MRM3: variants seen among roughly 807,000 people sequenced by gnomAD.
MRM3 encodes rRNA methyltransferase 3, mitochondrial.
Under a neutral mutation model 29.4 loss-of-function variants are expected in MRM3, and 26 were observed. The observed-to-expected ratio is 0.89, with a 90% CI of 0.65 to 1.23. The LOEUF is 1.23. Among genes scored for constraint, MRM3 ranks in the 50% most tolerant of loss-of-function variants. The pLI is 0.00. For missense variants in MRM3, 578 were observed against 540.2 expected, an observed-to-expected ratio of 1.07 and a Z score of -0.69; for synonymous variants, 225 against 219.0, an observed-to-expected ratio of 1.03 and a Z score of -0.24.
At position 783,376 on chromosome 17, in the gene MRM3, A is replaced by AC. The variant is rs778965828; in HGVS notation, c.559+52dup. On this transcript the variant is annotated intron_variant, in intron 2 of 3. Transcript: ENST00000304478. Reference sequence around the variant, plus strand: ...TTTTTTTTTTTTGTCTTGTTCTGTCACCCAGGCTGGAGTGCAATGGCGCGA... The same window carrying AC: ...TTTTTTTTTTTTGTCTTGTTCTGTCACCCCAGGCTGGAGTGCAATGGCGCGA... The AC allele has an allele frequency of 9.2e-6, 14 of 1,520,386 alleles. No individual in the cohort carries two copies. In the East Asian group the frequency reaches 3.3e-4, roughly 36 times the overall value. The allele number at this position is 1,520,386 out of a possible 1,614,324, so 94.2% of individuals were successfully genotyped here.
intron 3 of MRM3, 143 bp from the exon 4 acceptor site, chr17:791,391 A>G: frequency 1.3e-6 from 1 of 781,498 alleles, no homozygotes. Flanking sequence ...GCTGTCAGAG[A>G]GAGGCAGAAG....
At position 783,248 on chromosome 17, in the gene MRM3, G is replaced by GA. The variant is rs1910297317; in HGVS notation, c.483dup (p.Gly162ArgfsTer6). Reference sequence around the variant, plus strand: ...TAAAGGAGTTGCCAGTCGATAAGCTGAAAGGTGTCAGCCTCATTAAGGTGA... The same window carrying GA: ...TAAAGGAGTTGCCAGTCGATAAGCTGAAAAGGTGTCAGCCTCATTAAGGTGA... On this transcript the variant is annotated frameshift_variant, in exon 2 of 4. Transcript: ENST00000304478. LOFTEE classifies it high-confidence loss of function. The GA allele has an allele frequency of 6.2e-7, 1 of 1,613,900 alleles. No homozygotes were observed. Among genetic ancestry groups the GA allele is most frequent in the Admixed American group, 1.7e-5 (1 of 59,988 alleles).
rs1321961421 is a variant in MRM3, at chr17:782,788, C to T, written c.314+96C>T. On this transcript the variant is annotated intron_variant, in intron 1 of 3. Transcript: ENST00000304478. ...TTCCGATGGAGGACTTCTTCCAGTA[C>T]AGCCCGCTGGTTTTTGTATTATGCA... 7.6e-6 allele frequency: 10 copies of T among 1,312,050 alleles called. No individual in the cohort carries two copies. The African/African-American group carries it at 1.0e-4, about 14-fold the overall frequency. 81.3% of individuals were successfully genotyped at this position (1,312,050 alleles called of 1,614,324 possible).
In MRM3 at chr17:792,161, C is replaced by T. The variant is rs1910861037; in HGVS notation, c.*92C>T. On this transcript the variant is annotated 3_prime_UTR_variant, in exon 4 of 4. Coordinates refer to ENST00000304478, the MANE Select transcript of MRM3 (RefSeq NM_018146.4). ...GCTGGCGGAGTCAGTGACTATGGCCCCCACGTTCAGGAGGAAGGTGTGATG... is the reference window on the plus strand; with the variant it reads ...GCTGGCGGAGTCAGTGACTATGGCCTCCACGTTCAGGAGGAAGGTGTGATG... 2.3e-6 allele frequency: 3 copies of T among 1,308,546 alleles called. No homozygotes were observed. Among genetic ancestry groups the T allele is most frequent in the Admixed American group, 2.4e-5 (1 of 40,972 alleles). 81.1% of individuals were successfully genotyped at this position (1,308,546 alleles called of 1,614,324 possible). A position where few individuals can be genotyped will look rare whatever the true frequency, so the allele number is the denominator to read the frequency against.
chr17:788,995 T>A (rs144364884), intron 3 of MRM3, among the ~76,000 whole-genome samples: 45 of 152,306 alleles, frequency 3.0e-4, no homozygotes, highest in Non-Finnish European at 4.4e-4. Context: ...TTTTTAAAAA[T>A]TATGTTTTTT....
rs756943718 is a variant in MRM3 at position 788,184 on chromosome 17, T to C, written c.727+52T>C. On this transcript the variant is annotated intron_variant, in intron 3 of 3. Transcript: ENST00000304478. ...TGGCTCACACTCGTAATCCAGCCCTTTGGGAGGCCGAGGCAGGAGGGTCAC... is the reference window on the plus strand; with the variant it reads ...TGGCTCACACTCGTAATCCAGCCCTCTGGGAGGCCGAGGCAGGAGGGTCAC... The C allele has an allele frequency of 5.7e-6, 9 of 1,591,734 alleles. No individual in the cohort carries two copies. In the Admixed American group the frequency reaches 1.0e-4, roughly 18 times the overall value.
Position 782,575 on chromosome 17 carries a change from GTGCCCAGGAGCAAC to G in MRM3, c.198_211del (p.Ser66ArgfsTer26). ...CCCCGCAAGGCACCATCTGAGGCCA[GTGCCCAGGAGCAAC>G]GAGAGAAACAACCGCTCGAGGAGTC... On this transcript the variant is annotated frameshift_variant, in exon 1 of 4. Transcript: ENST00000304478. LOFTEE classifies it high-confidence loss of function. The G allele has an allele frequency of 1.2e-6, 2 of 1,614,108 alleles. No homozygotes were observed. Among genetic ancestry groups the G allele is most frequent in the Non-Finnish European group, 8.5e-7 (1 of 1,180,008 alleles).
At chr17:783,038 G>C in intron 1 of MRM3, 45 bp from the exon 2 acceptor site, 2 of 1,558,850 alleles carry the variant, frequency 1.3e-6, no homozygotes, top group Non-Finnish European at 1.7e-6. Flanking sequence ...TCAGTAACAA[G>C]GATGTTGATA....
At chr17:788,775 C>A (rs1279233700) in intron 3 of MRM3, among the ~76,000 whole-genome samples, 1 of 152,120 alleles carries the variant, frequency 6.6e-6, no homozygotes, top group African/African-American at 2.4e-5. Flanking sequence ...TGAGCTAGGG[C>A]TCTGGGCAGG....
rs149850824 is a variant in MRM3 at position 789,383 on chromosome 17, G to A, written c.727+1251G>A. ...TCCCTTAGATTCCCTTAGCCTCAGCGTGGGTCACATGCCCCGCACACAAAT... is the reference window on the plus strand; with the variant it reads ...TCCCTTAGATTCCCTTAGCCTCAGCATGGGTCACATGCCCCGCACACAAAT... On this transcript the variant is annotated intron_variant, in intron 3 of 3. Coordinates refer to ENST00000304478, the MANE Select transcript of MRM3 (RefSeq NM_018146.4). Among the ~76,000 whole-genome samples, 7 of 152,232 alleles carry A rather than the reference G, an allele frequency of 4.6e-5. No individual in the cohort carries two copies. The East Asian group carries it at 7.7e-4, about 17-fold the overall frequency.
In MRM3 at chr17:783,295, G is replaced by A; in HGVS notation, c.527G>A (p.Trp176Ter). 2 of 1,613,688 alleles carry A rather than the reference G, an allele frequency of 1.2e-6. No homozygotes were observed. The highest frequency in any genetic ancestry group is 1.7e-6 in the Non-Finnish European group (2 of 1,179,822). ...GTGAAATTTGAGGATATCAAGGATT[G>A]GTCCGACCTCGTAACGCCACAAGGA... Reference protein sequence around the residue: ...IKVKFEDIKDWSDLVTPQGIM... With the variant: ...IKVKFEDIKD Residue 176 changes from tryptophan to a stop codon, truncating the protein, a stop_gained, in exon 2 of 4, where the codon TGG becomes TAG. Coordinates refer to ENST00000304478, the MANE Select transcript of MRM3 (RefSeq NM_018146.4). LOFTEE classifies it high-confidence loss of function.
At chr17:791,061 T>C (rs1427550517) in intron 3 of MRM3, among the ~76,000 whole-genome samples, 2 of 152,202 alleles carry the variant, frequency 1.3e-5, no homozygotes, top group Non-Finnish European at 1.5e-5. Flanking sequence ...TGCGCCACTC[T>C]CCCGCTTCCT....
Position 792,292 on chromosome 17 carries a change from T to C in MRM3, c.*223T>C, listed in dbSNP as rs1380462084. 4 of 504,944 alleles carry C rather than the reference T, an allele frequency of 7.9e-6. No homozygotes were observed. Among genetic ancestry groups the C allele is most frequent in the Non-Finnish European group, 1.4e-5 (4 of 291,118 alleles). The allele number at this position is 504,944 out of a possible 1,614,324, so 31.3% of individuals were successfully genotyped here. A position where few individuals can be genotyped will look rare whatever the true frequency, so the allele number is the denominator to read the frequency against. Reference sequence around the variant, plus strand: ...AGGTTCTTTTTTCTCTTGGTGACAATAGGTGACCCACGTGGCTCTGTGTGT... The same window carrying C: ...AGGTTCTTTTTTCTCTTGGTGACAACAGGTGACCCACGTGGCTCTGTGTGT... On this transcript the variant is annotated 3_prime_UTR_variant, in exon 4 of 4. Transcript: ENST00000304478.
chr17:783,304 T>G lies in MRM3; in HGVS notation c.536T>G (p.Leu179Arg). 1.2e-6 allele frequency: 2 copies of G among 1,613,182 alleles called. No individual in the cohort carries two copies. Among genetic ancestry groups the G allele is most frequent in the Non-Finnish European group, 1.7e-6 (2 of 1,179,568 alleles). ...GAGGATATCAAGGATTGGTCCGACC[T>G]CGTAACGCCACAAGGAATAATGGGT... ...KFEDIKDWSDLVTPQGIMGIF... is the reference protein window; with the variant it reads ...KFEDIKDWSDRVTPQGIMGIF... Residue 179 changes from leucine (L) to arginine (R), a missense_variant, in exon 2 of 4, where the codon CTC becomes CGC. Leu to Arg is a moderately radical substitution (Grantham distance 102). Coordinates refer to ENST00000304478, the MANE Select transcript of MRM3 (RefSeq NM_018146.4).
intron 1 of MRM3, 34 bp from the exon 2 acceptor site, chr17:783,049 G>A: frequency 2.0e-6 from 3 of 1,531,260 alleles, no homozygotes; most frequent in Non-Finnish European, 2.6e-6. Context: ...GATGTTGATA[G>A]TTACCTGTTT....
In MRM3 at chr17:782,435, C is replaced by A; in HGVS notation, c.57C>A (p.Val19=). ...TCGTGCGACCGTTGCTGCAGGTGGT[C>A]CAGGCTTGGGACCTTGACGCGAGGC... The part of the protein sequence containing the change: ...RFVVRPLLQV[V]QAWDLDARRW... Residue 19 remains valine, a synonymous_variant, in exon 1 of 4, where the codon GTC becomes GTA. Coordinates refer to ENST00000304478, the MANE Select transcript of MRM3 (RefSeq NM_018146.4). 2 of 1,614,016 alleles carry A rather than the reference C, an allele frequency of 1.2e-6. No homozygotes were observed. Among genetic ancestry groups the A allele is most frequent in the Non-Finnish European group, 1.7e-6 (2 of 1,180,002 alleles).
At chr17:786,279 T>C (rs1358081739) in intron 2 of MRM3, among the ~76,000 whole-genome samples, 2 of 152,102 alleles carry the variant, frequency 1.3e-5, no homozygotes, top group Admixed American at 6.5e-5. Context: ...TTTTGTTTTT[T>C]GTTTGTTTGT....
chr17:789,110 C>G (rs1176276358), intron 3 of MRM3, among the ~76,000 whole-genome samples: 1 of 152,188 alleles, frequency 6.6e-6, no homozygotes, highest in Non-Finnish European at 1.5e-5. Context: ...TAGGCATTAG[C>G]CGCCATACCC....
chr17:783,915 C>T (rs563758604), intron 2 of MRM3, among the ~76,000 whole-genome samples: 3 of 152,200 alleles, frequency 2.0e-5, no homozygotes, highest in South Asian at 2.1e-4. Flanking sequence ...ATTAAGAAAG[C>T]GTTTACTGAA....
Sources: allele counts gnomAD v4.1 joint callset (sites outside exome capture counted in the v4.1 genomes callset), GRCh38; gene constraint gnomAD v4.1.1; transcripts MANE v1.5; gene names NCBI Gene and HGNC (gene_info 2026-07-23, HGNC 2026-07-21).